The following SERPINA11 variants were observed in gnomAD, a reference collection of about 807,000 sequenced individuals.
SERPINA11 encodes the protein serpin family A member 11.
In SERPINA11, 28 loss-of-function variants were observed where a neutral mutation model predicts 29.4. The observed-to-expected ratio is 0.95, with a 90% CI of 0.70 to 1.30. The LOEUF (loss-of-function observed/expected upper bound fraction) is 1.30, where lower values mean the gene tolerates loss of function less well. Among genes scored for constraint, SERPINA11 ranks in the 50% most tolerant of loss-of-function variants. The pLI is 0.00. For missense variants in SERPINA11, 530 were observed against 507.3 expected (o/e 1.04, Z -0.43); for synonymous variants, 253 against 206.6 (o/e 1.22, Z -1.92).
At chr14:94,443,465 C>A (rs1898381370) in intron 3 of SERPINA11, among the ~76,000 whole-genome samples, 1 of 152,184 alleles carries the variant, frequency 6.6e-6, no homozygotes, top group Non-Finnish European at 1.5e-5. Flanking sequence ...GGCACAGCTA[C>A]CTGTCTTTGT....
rs1595651765 is a variant in SERPINA11 at position 94,442,734 on chromosome 14, G to A, written c.1141C>T (p.Pro381Ser). ...TCTGACATGGTGTTCAGAGATGGGG[G>A]CTGGGAGAGGAGGCCTGAAGCAGCC... ...AGAASGLLSQ[P>S]PSLNTMSDPH... The change falls in exon 5 of 5, where the codon CCC becomes TCC. Residue 381 changes from proline (P) to serine (S), a missense_variant. Pro to Ser is a moderately conservative substitution (Grantham distance 74, BLOSUM62 -1). Transcript: ENST00000334708. The A allele has an allele frequency of 3.7e-6, 6 of 1,613,772 alleles. No homozygotes were observed. The highest frequency in any genetic ancestry group is 4.2e-6 in the Non-Finnish European group (5 of 1,179,894).
At chr14:94,449,416 T>C (rs1387077866) in intron 1 of SERPINA11, among the ~76,000 whole-genome samples, 1 of 53,878 alleles carries the variant, frequency 1.9e-5, no homozygotes, top group African/African-American at 1.1e-4. Context: ...ATTCTTTCTT[T>C]CTTTCTTTCT....
At chr14:94,445,174 T>G (rs1898411732) in intron 3 of SERPINA11, among the ~76,000 whole-genome samples, 1 of 152,178 alleles carries the variant, frequency 6.6e-6, no homozygotes, top group Non-Finnish European at 1.5e-5. Flanking sequence ...TTCAGTGGCT[T>G]CAGCTCCAGC....
chr14:94,449,413 CTTTCTTTCTTTCTT>C lies in SERPINA11; in HGVS notation c.-3-650_-3-637del, dbSNP rs1898525150. On this transcript the variant is annotated intron_variant, in intron 1 of 4. Transcript: ENST00000334708. ...CCCTCTTTCTTTCTTTCTATTCTTT[CTTTCTTTCTTTCTT>C]TCTTTCTTTCTTTCTTTCTTTCTTT... Among the ~76,000 whole-genome samples the C allele has an allele frequency of 5.4e-5, 2 of 37,272 alleles. 1 individual carries two copies. The highest frequency in any genetic ancestry group is 3.7e-4 in the African/African-American group (2 of 5,468). The allele number at this position is 37,272 out of a possible 152,430, so 24.5% of individuals were successfully genotyped here.
chr14:94,442,671 G>C lies in SERPINA11; in HGVS notation c.1204C>G (p.Leu402Val), dbSNP rs763903318. The change falls in exon 5 of 5, where the codon CTT becomes GTT. Residue 402 changes from leucine (L) to valine (V), a missense_variant. By Grantham distance (32) the Leu-to-Val change is conservative. Coordinates refer to ENST00000334708, the MANE Select transcript of SERPINA11 (RefSeq NM_001080451.2). ...AHFNRPFLLL[L>V]WEVTTQSLLF... ...AAGCTCTGGGTGGTGACCTCCCAAAGGAGCAAGAGGAAAGGCCTGTTGAAG... is the reference window on the plus strand; with the variant it reads ...AAGCTCTGGGTGGTGACCTCCCAAACGAGCAAGAGGAAAGGCCTGTTGAAG... 37 of 1,612,858 alleles carry C rather than the reference G, an allele frequency of 2.3e-5. No individual in the cohort carries two copies. The African/African-American group carries it at 4.3e-4, about 19-fold the overall frequency.
chr14:94,449,407 TTC>T (rs1566784598), intron 1 of SERPINA11, among the ~76,000 whole-genome samples: 2 of 3,324 alleles, frequency 6.0e-4, no homozygotes, highest in East Asian at 5.3e-3. Flanking sequence ...TTTCTTTCTA[TTC>T]TTTCTTTCTT....
intron 4 of SERPINA11, 33 bp downstream of exon 4, chr14:94,443,045 C>A (rs1898372904): frequency 6.3e-7 from 1 of 1,588,680 alleles, no homozygotes; most frequent in Non-Finnish European, 8.5e-7. Context: ...CCTACCCCCA[C>A]CTGCCCACAA....
At position 94,448,294 on chromosome 14, in the gene SERPINA11, A is replaced by T. The variant is rs1374938742; in HGVS notation, c.481T>A (p.Tyr161Asn). ...TTGGCAGAAAAAGCAAAAGCTCCATAAAGCTCCTTGATGCTGTCCAAATAG... is the reference window on the plus strand; with the variant it reads ...TTGGCAGAAAAAGCAAAAGCTCCATTAAGCTCCTTGATGCTGTCCAAATAG... ...QHYLDSIKEL[Y>N]GAFAFSANFT... is the part of the protein sequence containing the mutation. Residue 161 changes from tyrosine to asparagine, a missense_variant, in exon 2 of 5, where the codon TAT becomes AAT. By Grantham distance (143) the Tyr-to-Asn change is moderately radical. Coordinates refer to ENST00000334708, the MANE Select transcript of SERPINA11 (RefSeq NM_001080451.2). 6.2e-7 allele frequency: 1 copy of T among 1,614,226 alleles called. No individual in the cohort carries two copies. Among genetic ancestry groups the T allele is most frequent in the Non-Finnish European group, 8.5e-7 (1 of 1,180,044 alleles).
Position 94,446,507 on chromosome 14 carries a change from T to C in SERPINA11, c.741A>G (p.Gln247=). ...RTSLQVPMMH[Q]KEMHRFLYDQ... ...CATAGAGGAATCTGTGCATTTCCTT[T>C]TGGTGCATCATGGGGACCTGGAGAG... The change falls in exon 3 of 5, where the codon CAA becomes CAG. Residue 247 remains glutamine, a synonymous_variant. Coordinates refer to ENST00000334708, the MANE Select transcript of SERPINA11 (RefSeq NM_001080451.2). 2 of 1,614,192 alleles carry C rather than the reference T, an allele frequency of 1.2e-6. No individual in the cohort carries two copies. The highest frequency in any genetic ancestry group is 1.7e-6 in the Non-Finnish European group (2 of 1,180,030).
chr14:94,443,355 A>G, intron 3 of SERPINA11, 130 bp from the exon 4 acceptor site: 1 of 802,944 alleles, frequency 1.2e-6, no homozygotes, highest in Admixed American at 2.8e-5. Flanking sequence ...TCTTCCCATG[A>G]CACTGTTCAC....
At chr14:94,443,541 A>T (rs1898382730) in intron 3 of SERPINA11, among the ~76,000 whole-genome samples, 1 of 152,218 alleles carries the variant, frequency 6.6e-6, no homozygotes, top group Non-Finnish European at 1.5e-5. Context: ...TTCAAGGCTG[A>T]ACTGATGGAA....
In SERPINA11 at chr14:94,446,612, C is replaced by T; in HGVS notation, c.644-8G>A. 1.2e-6 allele frequency: 2 copies of T among 1,609,884 alleles called. No individual in the cohort carries two copies. Among genetic ancestry groups the T allele is most frequent in the Non-Finnish European group, 1.7e-6 (2 of 1,178,134 alleles). On this transcript the variant is annotated splice_polypyrimidine_tract_variant and splice_region_variant and intron_variant, in intron 2 of 4. Coordinates refer to ENST00000334708, the MANE Select transcript of SERPINA11 (RefSeq NM_001080451.2). ...AAGGGTGCTTCCACTTGGCTTAGGACACAAAACCCATAAGGCCATGAGAAC... is the reference window on the plus strand; with the variant it reads ...AAGGGTGCTTCCACTTGGCTTAGGATACAAAACCCATAAGGCCATGAGAAC...
chr14:94,447,428 C>T (rs1000451141), intron 2 of SERPINA11, among the ~76,000 whole-genome samples: 48 of 152,184 alleles, frequency 3.2e-4, no homozygotes, highest in Middle Eastern at 3.2e-3. Flanking sequence ...TCAAGGCCAC[C>T]GTGCTACTTA....
chr14:94,449,517 C>CTT lies in SERPINA11; in HGVS notation c.-3-742_-3-741dup, dbSNP rs1474670012. Among the ~76,000 whole-genome samples, 13 of 141,922 alleles carry CTT rather than the reference C, an allele frequency of 9.2e-5. 1 individual carries two copies. In the South Asian group the frequency reaches 2.1e-3, roughly 23 times the overall value. 93.1% of individuals were successfully genotyped at this position (141,922 alleles called of 152,430 possible). A position where few individuals can be genotyped will look rare whatever the true frequency, so the allele number is the denominator to read the frequency against. ...TCTTTCTTTCTCTTTCTTTTTCTTT[C>CTT]TTTCTTTCTTTTTCTTTCTTTCTTT... On this transcript the variant is annotated intron_variant, in intron 1 of 4. Coordinates refer to ENST00000334708, the MANE Select transcript of SERPINA11 (RefSeq NM_001080451.2).
chr14:94,444,931 G>A lies in SERPINA11; in HGVS notation c.917+1400C>T, dbSNP rs114408007. On this transcript the variant is annotated intron_variant, in intron 3 of 4. Transcript: ENST00000334708. ...CTGCCACCAATACAATGTGGCAGAA[G>A]TGCCACTGTGCTGATTTCCGGGCCT... Among the ~76,000 whole-genome samples the A allele has an allele frequency of 3.3e-3, 505 of 152,348 alleles. 3 individuals carry two copies. Among genetic ancestry groups the A allele is most frequent in the African/African-American group, 0.012 (479 of 41,576 alleles).
At position 94,450,850 on chromosome 14, in the gene SERPINA11, C is replaced by A. The variant is rs374893530; in HGVS notation, c.-4+1879G>T. ...GTCTCTACTCACCCTGCCCAATGTTCCATGCTCTCCTTTCCCTTTCAGTCC... is the reference window on the plus strand; with the variant it reads ...GTCTCTACTCACCCTGCCCAATGTTACATGCTCTCCTTTCCCTTTCAGTCC... On this transcript the variant is annotated intron_variant, in intron 1 of 4. Coordinates refer to ENST00000334708, the MANE Select transcript of SERPINA11 (RefSeq NM_001080451.2). Among the ~76,000 whole-genome samples the A allele has an allele frequency of 2.9e-3, 436 of 152,248 alleles. 1 individual carries two copies. The highest frequency in any genetic ancestry group is 0.01 in the African/African-American group (421 of 41,538).
intron 1 of SERPINA11, among the ~76,000 whole-genome samples, chr14:94,449,521 CTTTCTT>C (rs748097886): frequency 2.8e-5 from 4 of 140,898 alleles, no homozygotes; most frequent in Admixed American, 7.4e-5. Flanking sequence ...TTCTTTCTTT[CTTTCTT>C]TTTCTTTCTT....
In SERPINA11 at chr14:94,442,677, A is replaced by G; in HGVS notation, c.1198T>C (p.Leu400=). ...PHAHFNRPFL[L]LLWEVTTQSL... ...TGGGTGGTGACCTCCCAAAGGAGCA[A>G]GAGGAAAGGCCTGTTGAAGTGGGCA... The change falls in exon 5 of 5, where the codon TTG becomes CTG. Residue 400 remains leucine, a synonymous_variant. Coordinates refer to ENST00000334708, the MANE Select transcript of SERPINA11 (RefSeq NM_001080451.2). The G allele has an allele frequency of 6.2e-7, 1 of 1,613,134 alleles. No individual in the cohort carries two copies.
intron 1 of SERPINA11, among the ~76,000 whole-genome samples, chr14:94,449,383 T>C (rs2139778918): frequency 1.8e-5 from 1 of 55,288 alleles, no homozygotes; most frequent in African/African-American, 7.7e-5. Context: ...TAGTCTAGCC[T>C]CCCTCCCTCT....
Sources: gnomAD v4.1 joint callset for allele counts (sites outside exome capture counted in the v4.1 genomes callset) on GRCh38, gnomAD v4.1.1 for gene constraint, MANE v1.5 for transcripts, NCBI Gene and HGNC (gene_info 2026-07-23, HGNC 2026-07-21) for gene names.